BNC2: variants seen among roughly 807,000 people sequenced by gnomAD.
The protein encoded by BNC2 is zinc finger protein basonuclin-2.
A neutral mutation model predicts 76.3 loss-of-function variants in BNC2; 20 were observed. That is an observed-to-expected ratio of 0.26 (90% CI 0.18 to 0.38). The LOEUF is 0.38. BNC2 is among the 10% of genes least tolerant of loss of function. BNC2 has a pLI of 1.00. For synonymous variants in BNC2, 582 were observed against 514.8 expected, an observed-to-expected ratio of 1.13 and a Z score of -1.77; for missense variants, 1,382 against 1,399.8, an observed-to-expected ratio of 0.99 and a Z score of 0.20.
At chr9:16,438,290 TGACA>T (rs1248036396) in intron 5 of BNC2, among the ~76,000 whole-genome samples, 1 of 152,200 alleles carries the variant, frequency 6.6e-6, no homozygotes, top group East Asian at 1.9e-4. Context: ...TTGTTATAAA[TGACA>T]GTCATAGATA....
At chr9:16,757,042 GT>G (rs1825405617) in intron 1 of BNC2, among the ~76,000 whole-genome samples, 2 of 147,258 alleles carry the variant, frequency 1.4e-5, no homozygotes, top group African/African-American at 2.5e-5. Flanking sequence ...TATTCCTAAA[GT>G]GCCCTGTACT....
chr9:16,419,546 C>G lies in BNC2; in HGVS notation c.2743G>C (p.Glu915Gln). ...QPSLSKDLRD[E>Q]FLVKIYGAQH... is the part of the protein sequence containing the mutation. ...GCACCATATATCTTCACCAAAAATT[C>G]ATCGCGGAGGTCCTTGCTAAGGGAG... is the stretch of plus-strand genomic sequence containing the variant. Residue 915 changes from glutamate to glutamine, a missense_variant, in exon 7 of 7, where the codon GAA becomes CAA. Physicochemically the swap from Glu to Gln is conservative, Grantham distance 29. This residue lies in a region of BNC2 where 798 missense variants were observed against 775.5 expected (regional missense o/e 1.03). Transcript: ENST00000380672. The G allele has an allele frequency of 1.2e-6, 2 of 1,614,028 alleles. No individual in the cohort carries two copies. The highest frequency in any genetic ancestry group is 2.2e-5 in the South Asian group (2 of 91,068).
intron 1 of BNC2, among the ~76,000 whole-genome samples, chr9:16,804,295 T>A (rs1817852832): frequency 6.6e-6 from 1 of 152,156 alleles, no homozygotes; most frequent in Non-Finnish European, 1.5e-5. Context: ...AAATACACAA[T>A]CCCCAGAACG....
At chr9:16,623,008 C>T (rs1301175415) in intron 3 of BNC2, among the ~76,000 whole-genome samples, 2 of 151,866 alleles carry the variant, frequency 1.3e-5, no homozygotes, top group Non-Finnish European at 2.9e-5. Context: ...CTGTCTGAAT[C>T]AAAGAAAGAA....
At chr9:16,862,736 T>A (rs1351954009) in intron 1 of BNC2, among the ~76,000 whole-genome samples, 1 of 152,154 alleles carries the variant, frequency 6.6e-6, no homozygotes, top group East Asian at 1.9e-4. Flanking sequence ...GTTAAAATTA[T>A]GGCCTTCATC....
intron 5 of BNC2, among the ~76,000 whole-genome samples, chr9:16,493,130 C>T (rs187012972): frequency 3.5e-4 from 54 of 152,148 alleles, no homozygotes; most frequent in Admixed American, 1.6e-3. Flanking sequence ...AGTCCTATTT[C>T]GAAGAAATAA....
intron 1 of BNC2, among the ~76,000 whole-genome samples, chr9:16,870,372 G>C (rs1410164493): frequency 2.0e-5 from 3 of 151,996 alleles, no homozygotes; most frequent in Non-Finnish European, 4.4e-5. Flanking sequence ...GAGCGGGGCC[G>C]ACCTTGAGAA....
At chr9:16,458,654 C>T (rs1477907016) in intron 5 of BNC2, among the ~76,000 whole-genome samples, 9 of 152,210 alleles carry the variant, frequency 5.9e-5, no homozygotes, top group African/African-American at 2.2e-4. Context: ...AGCCCTATGG[C>T]AAGAACACAC....
At chr9:16,760,144 G>T (rs938578296) in intron 1 of BNC2, among the ~76,000 whole-genome samples, 12 of 152,144 alleles carry the variant, frequency 7.9e-5, no homozygotes, top group African/African-American at 2.4e-4. Flanking sequence ...TCCTATCAAA[G>T]ACCATCTAAG....
chr9:16,738,167 C>T (rs1293922166), intron 2 of BNC2, among the ~76,000 whole-genome samples, 193 bp downstream of exon 2: 2 of 152,110 alleles, frequency 1.3e-5, no homozygotes, highest in South Asian at 2.1e-4. Context: ...ATTAAATCTA[C>T]TTTCAATTAT....
At chr9:16,846,888 G>A (rs563006616) in intron 1 of BNC2, among the ~76,000 whole-genome samples, 1 of 152,312 alleles carries the variant, frequency 6.6e-6, no homozygotes, top group Non-Finnish European at 1.5e-5. Context: ...ATTCACAGAT[G>A]AAATATCTCA....
intron 3 of BNC2, among the ~76,000 whole-genome samples, chr9:16,652,013 TC>T (rs1821807853): frequency 6.6e-6 from 1 of 152,206 alleles, no homozygotes; most frequent in Non-Finnish European, 1.5e-5. Flanking sequence ...GCATATGTGT[TC>T]CTCAGCTCCC....
intron 1 of BNC2, among the ~76,000 whole-genome samples, chr9:16,754,848 G>A (rs768553258): frequency 6.6e-6 from 1 of 152,150 alleles, no homozygotes; most frequent in Non-Finnish European, 1.5e-5. Context: ...GTGAGCCACC[G>A]CGCCCGGCCC....
At chr9:16,501,364 C>T (rs1328417360) in intron 5 of BNC2, among the ~76,000 whole-genome samples, 3 of 152,112 alleles carry the variant, frequency 2.0e-5, no homozygotes, top group Non-Finnish European at 2.9e-5. Context: ...CTCAACACAC[C>T]TCTTGACTGA....
intron 3 of BNC2, among the ~76,000 whole-genome samples, chr9:16,665,793 T>C (rs181356700): frequency 2.0e-5 from 3 of 152,298 alleles, no homozygotes; most frequent in East Asian, 3.9e-4. Flanking sequence ...CCTTACTAAG[T>C]AGGCATTTCA....
rs1282701857 is a variant in BNC2 at position 16,411,909 on chromosome 9, C to G, written c.*7080G>C. Reference sequence around the variant, plus strand: ...AAGGTTGGAAGGAAGCATGGCATCCCCTAGTCCCAGAAAGAAGACGCTTGA... The same window carrying G: ...AAGGTTGGAAGGAAGCATGGCATCCGCTAGTCCCAGAAAGAAGACGCTTGA... On this transcript the variant is annotated 3_prime_UTR_variant, in exon 7 of 7. Coordinates refer to ENST00000380672, the MANE Select transcript of BNC2 (RefSeq NM_017637.6). 6.6e-6 allele frequency: 1 copy of G among 152,178 alleles called. No individual in the cohort carries two copies. Among genetic ancestry groups the G allele is most frequent in the East Asian group, 1.9e-4 (1 of 5,196 alleles). 9.4% of individuals were successfully genotyped at this position (152,178 alleles called of 1,614,324 possible).
intron 3 of BNC2, among the ~76,000 whole-genome samples, chr9:16,681,702 CA>C (rs1302181208): frequency 6.6e-6 from 1 of 152,174 alleles, no homozygotes; most frequent in East Asian, 1.9e-4. Flanking sequence ...ACTCCATGGT[CA>C]AAAACATGCA....
At position 16,583,535 on chromosome 9, in the gene BNC2, G is replaced by A. The variant is rs575354892; in HGVS notation, c.331-450C>T. 3.1e-3 allele frequency among the ~76,000 whole-genome samples: 475 copies of A among 152,104 alleles called. 4 individuals are homozygous for A. Among genetic ancestry groups the A allele is most frequent in the African/African-American group, 9.9e-3 (412 of 41,532 alleles). On this transcript the variant is annotated intron_variant, in intron 3 of 6. Coordinates refer to ENST00000380672, the MANE Select transcript of BNC2 (RefSeq NM_017637.6). ...ATATGGCACACAAATATTATTATTA[G>A]AATATTACTTTTCTTCTGCTGAATT...
At chr9:16,849,508 G>A (rs545309755) in intron 1 of BNC2, among the ~76,000 whole-genome samples, 1 of 151,934 alleles carries the variant, frequency 6.6e-6, no homozygotes, top group African/African-American at 2.4e-5. Flanking sequence ...ACAGGCGCAT[G>A]CCACCACGCC....
Sources: allele counts gnomAD v4.1 joint callset (sites outside exome capture counted in the v4.1 genomes callset), GRCh38; gene constraint gnomAD v4.1.1; regional missense constraint gnomAD v4.1.1; transcripts MANE v1.5; gene names NCBI Gene and HGNC (gene_info 2026-07-23, HGNC 2026-07-21).